The following LSAMP variants were observed in gnomAD, a reference collection of about 807,000 sequenced individuals.
The protein encoded by LSAMP is limbic system-associated membrane protein.
LSAMP carries 7 observed loss-of-function variants against 38.6 expected under a neutral mutation model. The observed-to-expected ratio is 0.18, with a 90% CI of 0.10 to 0.34. The LOEUF is 0.34. LSAMP is among the 10% of genes least tolerant of loss of function. The pLI is 1.00. For missense variants in LSAMP, 313 were observed against 420.0 expected (o/e 0.75, Z 2.23); for synonymous variants, 154 against 166.8 (o/e 0.92, Z 0.59).
chr3:116,183,076 C>T (rs923369138), intron 1 of LSAMP, among the ~76,000 whole-genome samples: 4 of 151,764 alleles, frequency 2.6e-5, no homozygotes, highest in Non-Finnish European at 5.9e-5. Flanking sequence ...TGACTTTAGG[C>T]ATATGCAGGC....
At chr3:116,337,044 A>G (rs2047928860) in intron 1 of LSAMP, among the ~76,000 whole-genome samples, 1 of 151,888 alleles carries the variant, frequency 6.6e-6, no homozygotes, top group Admixed American at 6.6e-5. Context: ...CCTTAAAGAA[A>G]TTATGCTAAA....
chr3:116,250,896 A>C (rs550195662), intron 1 of LSAMP, among the ~76,000 whole-genome samples: 65 of 152,194 alleles, frequency 4.3e-4, no homozygotes, highest in Non-Finnish European at 6.6e-4. Context: ...TGGGGGGAAC[A>C]AAAGAAAGCT....
intron 3 of LSAMP, among the ~76,000 whole-genome samples, chr3:115,959,711 T>C (rs1365891486): frequency 6.6e-6 from 1 of 152,158 alleles, no homozygotes; most frequent in Non-Finnish European, 1.5e-5. Context: ...TGAAGTAATA[T>C]ATGGATGTGC....
At chr3:115,963,934 G>T (rs1008869310) in intron 3 of LSAMP, among the ~76,000 whole-genome samples, 33 of 151,706 alleles carry the variant, frequency 2.2e-4, no homozygotes, top group African/African-American at 7.5e-4. Flanking sequence ...TTTATTTTTT[G>T]TAGAGATAGA....
chr3:116,109,917 A>C (rs150030086), intron 1 of LSAMP, among the ~76,000 whole-genome samples: 1 of 146,464 alleles, frequency 6.8e-6, no homozygotes, highest in Non-Finnish European at 1.5e-5. Flanking sequence ...AGATAAGAGG[A>C]TGGGGTGCGG....
At chr3:115,933,371 G>A (rs1937612278) in intron 3 of LSAMP, among the ~76,000 whole-genome samples, 1 of 152,202 alleles carries the variant, frequency 6.6e-6, no homozygotes. Flanking sequence ...GGATGAATGG[G>A]TTGAGAGATG....
chr3:116,059,807 C>T (rs1028795729), intron 2 of LSAMP, among the ~76,000 whole-genome samples: 1 of 152,150 alleles, frequency 6.6e-6, no homozygotes, highest in Non-Finnish European at 1.5e-5. Context: ...TAATGAAATA[C>T]CCCTTGCCCT....
At chr3:116,071,390 C>A (rs137976775) in intron 2 of LSAMP, among the ~76,000 whole-genome samples, 27 of 150,418 alleles carry the variant, frequency 1.8e-4, no homozygotes, top group Admixed American at 9.9e-4. Flanking sequence ...AACACACAAA[C>A]ACACACAAGT....
At chr3:115,974,681 C>G (rs1199794546) in intron 3 of LSAMP, among the ~76,000 whole-genome samples, 1 of 152,280 alleles carries the variant, frequency 6.6e-6, no homozygotes, top group African/African-American at 2.4e-5. Flanking sequence ...ATAGAGGAAG[C>G]AGATGTCTCA....
intron 1 of LSAMP, among the ~76,000 whole-genome samples, chr3:116,374,285 A>G (rs1056020041): frequency 6.6e-6 from 1 of 152,044 alleles, no homozygotes; most frequent in Middle Eastern, 3.4e-3. Context: ...GTAATACAAG[A>G]AGAAGGTGTT....
At chr3:116,195,650 A>G (rs1304022931) in intron 1 of LSAMP, among the ~76,000 whole-genome samples, 3 of 152,040 alleles carry the variant, frequency 2.0e-5, no homozygotes, top group Non-Finnish European at 4.4e-5. Flanking sequence ...TAAAGATGGA[A>G]GCCCAAAAGT....
chr3:115,965,470 A>G (rs1486978685), intron 3 of LSAMP, among the ~76,000 whole-genome samples: 1 of 151,996 alleles, frequency 6.6e-6, no homozygotes, highest in Non-Finnish European at 1.5e-5. Flanking sequence ...GATTTCTCAA[A>G]TAAGATACAA....
intron 1 of LSAMP, among the ~76,000 whole-genome samples, chr3:116,197,902 T>C (rs1419552744): frequency 6.6e-6 from 1 of 152,084 alleles, no homozygotes; most frequent in Non-Finnish European, 1.5e-5. Flanking sequence ...GATATATAGA[T>C]ATAAATATAT....
rs139701637 is a variant in LSAMP at position 116,065,263 on chromosome 3, T to A, written c.388+21061A>T. On this transcript the variant is annotated intron_variant, in intron 2 of 6. Coordinates refer to ENST00000490035, the MANE Select transcript of LSAMP (RefSeq NM_002338.5). ...TGAACCATGCTTATGCCAAGTGAAA[T>A]AAGAAGAGAAATGGGTAATTTTAAA... 3.8e-3 allele frequency among the ~76,000 whole-genome samples: 572 copies of A among 152,332 alleles called. 8 individuals carry two copies. Among genetic ancestry groups the A allele is most frequent in the African/African-American group, 0.013 (533 of 41,576 alleles).
intron 1 of LSAMP, among the ~76,000 whole-genome samples, chr3:116,213,755 C>T (rs2046189121): frequency 6.6e-6 from 1 of 152,110 alleles, no homozygotes; most frequent in Non-Finnish European, 1.5e-5. Flanking sequence ...CAATATGGTA[C>T]AACATGAATG....
At chr3:116,143,316 GTTGT>G (rs1229041293) in intron 1 of LSAMP, among the ~76,000 whole-genome samples, 2 of 151,834 alleles carry the variant, frequency 1.3e-5, no homozygotes, top group Non-Finnish European at 2.9e-5. Context: ...TTTGCATAGA[GTTGT>G]TTATTTGACA....
At chr3:116,029,675 A>C (rs62271281) in intron 2 of LSAMP, among the ~76,000 whole-genome samples, 17,951 of 152,176 alleles carry the variant, frequency 0.12, 1,265 homozygotes, top group Non-Finnish European at 0.16. Context: ...ATGTATGGTC[A>C]AGAAAAAGTC....
At chr3:115,979,312 GGAAAGGT>G (rs1264370228) in intron 3 of LSAMP, among the ~76,000 whole-genome samples, 2 of 152,058 alleles carry the variant, frequency 1.3e-5, no homozygotes, top group African/African-American at 4.8e-5. Flanking sequence ...GAGGAGAAAA[GGAAAGGT>G]GAAAAGGCCC....
chr3:115,837,871 G>T (rs527613843), intron 6 of LSAMP: 1 of 152,200 alleles, frequency 6.6e-6, no homozygotes, highest in Non-Finnish European at 1.5e-5. Flanking sequence ...TACATAGTAC[G>T]GTTGTTGTGA....
Sources: gnomAD v4.1 joint callset for allele counts (sites outside exome capture counted in the v4.1 genomes callset) on GRCh38, gnomAD v4.1.1 for gene constraint, MANE v1.5 for transcripts, NCBI Gene and HGNC (gene_info 2026-07-23, HGNC 2026-07-21) for gene names.